HAGH: variants seen among roughly 807,000 people sequenced by gnomAD.
HAGH encodes the protein hydroxyacylglutathione hydrolase.
Under a neutral mutation model 35.1 loss-of-function variants are expected in HAGH, and 29 were observed. The ratio of observed to expected loss-of-function variants is 0.83; its 90% CI spans 0.62 to 1.13. The LOEUF (loss-of-function observed/expected upper bound fraction) is 1.13. HAGH is among the 50% of genes most tolerant of loss of function. The probability of loss-of-function intolerance (pLI) is 0.00; values close to 1 mark genes in which losing one functional copy is unlikely to be tolerated. For synonymous variants in HAGH, 225 were observed against 176.1 expected, an observed-to-expected ratio of 1.28 and a Z score of -2.20; for missense variants, 478 against 419.6, an observed-to-expected ratio of 1.14 and a Z score of -1.22.
intron 3 of HAGH, 183 bp downstream of exon 3, chr16:1,822,117 C>T: frequency 1.7e-6 from 1 of 596,794 alleles, no homozygotes; most frequent in Non-Finnish European, 3.0e-6. Context: ...CTCAGAGTCA[C>T]TGAGCACCAG....
chr16:1,819,984 G>A lies in HAGH; in HGVS notation c.345C>T (p.Val115=). Residue 115 remains valine, a synonymous_variant, in exon 4 of 9, where the codon GTC becomes GTT. Coordinates refer to ENST00000397356, the MANE Select transcript of HAGH (RefSeq NM_005326.6). ...WDHAGGNEKL[V]KLESGLKVYG... ...ACACCTTCAGTCCCGACTCCAGCTT[G>A]ACCAGTTTCTCATTCCCGCCAGCAT... The A allele has an allele frequency of 6.2e-7, 1 of 1,613,128 alleles. No homozygotes were observed. Among genetic ancestry groups the A allele is most frequent in the Non-Finnish European group, 8.5e-7 (1 of 1,179,552 alleles).
rs1898070092 is a variant in HAGH, at chr16:1,819,889, C to T, written c.432+8G>A. On this transcript the variant is annotated splice_region_variant and intron_variant, in intron 4 of 8. Transcript: ENST00000397356. ...CACGCTGGAGCACCTCCAGGGCTCACTCCTTACCTGCAGTGTGGACAGGTG... is the reference window on the plus strand; with the variant it reads ...CACGCTGGAGCACCTCCAGGGCTCATTCCTTACCTGCAGTGTGGACAGGTG... The T allele has an allele frequency of 1.9e-6, 3 of 1,571,034 alleles. No homozygotes were observed. The highest frequency in any genetic ancestry group is 1.8e-6 in the Non-Finnish European group (2 of 1,141,098).
intron 2 of HAGH, 34 bp from the exon 3 acceptor site, chr16:1,822,398 C>A: frequency 6.6e-7 from 1 of 1,525,734 alleles, no homozygotes; most frequent in South Asian, 1.1e-5. Flanking sequence ...AAAGGCCTGT[C>A]ACACTCCTAG....
chr16:1,823,260 T>C (rs1898235747), intron 1 of HAGH, among the ~76,000 whole-genome samples: 1 of 137,042 alleles, frequency 7.3e-6, no homozygotes, highest in Non-Finnish European at 1.6e-5. Flanking sequence ...AGCAAGACCT[T>C]GTCTTTTTTT....
At position 1,822,325 on chromosome 16, in the gene HAGH, T is replaced by C; in HGVS notation, c.289A>G (p.Thr97Ala). Residue 97 changes from threonine to alanine, a missense_variant, in exon 3 of 9, where the codon ACA (threonine) becomes GCA (alanine). By Grantham distance (58) the Thr-to-Ala change is moderately conservative (BLOSUM62 0). Coordinates refer to ENST00000397356, the MANE Select transcript of HAGH (RefSeq NM_005326.6). The stretch of plus-strand genomic sequence containing the variant: ...CAGTGGTGGTGGGTGGTGAGCACTG[T>C]GGTCAGTTTCACCCCGTGCTTTCTC... Reference protein sequence around the residue: ...AARKHGVKLTTVLTTHHHWDH... With the variant: ...AARKHGVKLTAVLTTHHHWDH... 6.8e-6 allele frequency: 11 copies of C among 1,611,776 alleles called. No individual in the cohort carries two copies. Among genetic ancestry groups the C allele is most frequent in the Non-Finnish European group, 9.3e-6 (11 of 1,178,576 alleles).
intron 1 of HAGH, among the ~76,000 whole-genome samples, chr16:1,825,739 G>A (rs1898374925): frequency 6.6e-6 from 1 of 152,018 alleles, no homozygotes; most frequent in African/African-American, 2.4e-5. Flanking sequence ...ACGCCCGGCT[G>A]ATTTTGTTTA....
At position 1,826,522 on chromosome 16, in the gene HAGH, C is replaced by CCCGCGGCCCCGCGCCCGCT. The variant is rs534410909; in HGVS notation, c.76+171_76+189dup. The CCCGCGGCCCCGCGCCCGCT allele has an allele frequency of 8.0e-3, 7,845 of 979,686 alleles. 451 individuals carry two copies. In the African/African-American group the frequency reaches 0.12, roughly 15 times the overall value. 60.7% of individuals were successfully genotyped at this position (979,686 alleles called of 1,614,324 possible). ...CCCTGCTTACCTAGCGCTTTCCGCA[C>CCCGCGGCCCCGCGCCCGCT]CCGCGGCCCCGCGCCCGCTCCGCGC... is the stretch of plus-strand genomic sequence containing the variant. On this transcript the variant is annotated intron_variant, in intron 1 of 8. Coordinates refer to ENST00000397356, the MANE Select transcript of HAGH (RefSeq NM_005326.6).
intron 3 of HAGH, among the ~76,000 whole-genome samples, chr16:1,821,279 G>A (rs895812349): frequency 8.5e-5 from 13 of 152,180 alleles, no homozygotes; most frequent in Non-Finnish European, 1.5e-4. Flanking sequence ...GTCCAGCTGC[G>A]TGTGAACCAT....
chr16:1,823,703 A>G (rs1184069201), intron 1 of HAGH, among the ~76,000 whole-genome samples: 1 of 131,450 alleles, frequency 7.6e-6, no homozygotes, highest in African/African-American at 2.9e-5. Context: ...TGACTGTGCC[A>G]CTGCACTCCA....
chr16:1,809,160 A>C lies in HAGH; in HGVS notation c.*123T>G. 1 of 678,548 alleles carries C rather than the reference A, an allele frequency of 1.5e-6. No individual in the cohort carries two copies. Among genetic ancestry groups the C allele is most frequent in the Non-Finnish European group, 2.6e-6 (1 of 380,030 alleles). The allele number at this position is 678,548 out of a possible 1,614,324, so 42.0% of individuals were successfully genotyped here. On this transcript the variant is annotated 3_prime_UTR_variant, in exon 9 of 9. Transcript: ENST00000397356. ...ATAAATATGCATTAGAATGTCCGAT[A>C]ACACAAGCCAAGGGCTGTAAAATTA...
chr16:1,815,264 T>C (rs1444494849), intron 7 of HAGH, among the ~76,000 whole-genome samples: 1 of 152,154 alleles, frequency 6.6e-6, no homozygotes, highest in Non-Finnish European at 1.5e-5. Flanking sequence ...TGTAGAACAG[T>C]ACAACCATTT....
At position 1,816,912 on chromosome 16, in the gene HAGH, T is replaced by C. The variant is rs1308123269; in HGVS notation, c.728A>G (p.Glu243Gly). The C allele has an allele frequency of 2.5e-6, 4 of 1,612,906 alleles. No individual in the cohort carries two copies. Among genetic ancestry groups the C allele is most frequent in the South Asian group, 1.1e-5 (1 of 91,070 alleles). The change falls in exon 7 of 9, where the codon GAG (glutamate) becomes GGG (glycine). Residue 243 changes from glutamate to glycine, a missense_variant. Glu to Gly is a moderately conservative substitution (Grantham distance 98, BLOSUM62 -2). Coordinates refer to ENST00000397356, the MANE Select transcript of HAGH (RefSeq NM_005326.6). ...ACTCACCTTGGCCCAGGCCAGCTTCTCCCGGATGGCGGCATTGCCGGGCTC... is the reference window on the plus strand; with the variant it reads ...ACTCACCTTGGCCCAGGCCAGCTTCCCCCGGATGGCGGCATTGCCGGGCTC... ...HVEPGNAAIR[E>G]KLAWAKEKYS...
upstream of HAGH, chr16:1,827,100 G>A (rs1272808152): frequency 7.6e-7 from 1 of 1,307,706 alleles, no homozygotes; most frequent in East Asian, 2.5e-5. Flanking sequence ...ACGCCGCCCG[G>A]GTACCCGGCA....
chr16:1,823,150 G>T, intron 1 of HAGH, 113 bp from the exon 2 acceptor site: 2 of 883,924 alleles, frequency 2.3e-6, no homozygotes, highest in East Asian at 2.5e-5. Flanking sequence ...GGAATATTCT[G>T]GCCAGGTATG....
intron 1 of HAGH, among the ~76,000 whole-genome samples, chr16:1,825,810 G>A (rs1898378907): frequency 6.6e-6 from 1 of 152,208 alleles, no homozygotes; most frequent in African/African-American, 2.4e-5. Flanking sequence ...CTGGACTCAA[G>A]CGATCCTCCC....
In HAGH at chr16:1,808,024, A is replaced by C. The variant is rs995553084; in HGVS notation, c.*1259T>G. On this transcript the variant is annotated 3_prime_UTR_variant, in exon 9 of 9. Coordinates refer to ENST00000397356, the MANE Select transcript of HAGH (RefSeq NM_005326.6). ...CTCACAGCTCACTGACAGAGCAGTC[A>C]GTCAGTCAGTGAATAGGTCAAATGT... 6.6e-6 allele frequency: 1 copy of C among 152,318 alleles called. No homozygotes were observed. The highest frequency in any genetic ancestry group is 2.4e-5 in the African/African-American group (1 of 41,470). The allele number at this position is 152,318 out of a possible 1,614,324, so 9.4% of individuals were successfully genotyped here. A position where few individuals can be genotyped will look rare whatever the true frequency, so the allele number is the denominator to read the frequency against.
intron 7 of HAGH, among the ~76,000 whole-genome samples, chr16:1,816,481 C>G (rs80356127): frequency 6.6e-6 from 1 of 152,168 alleles, no homozygotes; most frequent in Non-Finnish European, 1.5e-5. Flanking sequence ...CTGGAGAACC[C>G]CGTCCTGCTC....
chr16:1,826,944 T>C (rs1898467100), upstream of HAGH: 2 of 643,506 alleles, frequency 3.1e-6, no homozygotes, highest in South Asian at 2.9e-5. Context: ...GCTCAACTTG[T>C]TTTGTCCGCG....
Position 1,822,844 on chromosome 16 carries a change from GC to G in HAGH, c.249+20del. On this transcript the variant is annotated intron_variant, in intron 2 of 8. Coordinates refer to ENST00000397356, the MANE Select transcript of HAGH (RefSeq NM_005326.6). ...GAGCTGGGTGACCAGGGCAGGGAGA[GC>G]CAGGCACAGCCATGCGCACCTTCTG... 1 of 1,605,702 alleles carries G rather than the reference GC, an allele frequency of 6.2e-7. No homozygotes were observed. Among genetic ancestry groups the G allele is most frequent in the Non-Finnish European group, 8.5e-7 (1 of 1,173,182 alleles).
Sources: allele counts gnomAD v4.1 joint callset (sites outside exome capture counted in the v4.1 genomes callset), GRCh38; gene constraint gnomAD v4.1.1; transcripts MANE v1.5; gene names NCBI Gene and HGNC (gene_info 2026-07-23, HGNC 2026-07-21).